Variants in PKD1L1 observed in about 807,000 individuals in gnomAD.
PKD1L1 encodes polycystin 1 like 1, transient receptor potential channel interacting, also known as polycystin-1-like protein 1.
PKD1L1 carries 236 observed loss-of-function variants against 323.4 expected under a neutral mutation model. That is an observed-to-expected ratio of 0.73 (90% CI 0.66 to 0.81). PKD1L1 has a LOEUF of 0.81. Ranked by LOEUF, PKD1L1 falls within the 40% of genes least tolerant of loss-of-function variation. PKD1L1 has a pLI of 0.00. For missense variants in PKD1L1, 3,320 were observed against 3,508.0 expected (o/e 0.95, Z 1.35); for synonymous variants, 1,344 against 1,335.0 (o/e 1.01, Z -0.15).
chr7:47,932,728 T>C (rs1787796810), intron 4 of PKD1L1, among the ~76,000 whole-genome samples: 1 of 152,224 alleles, frequency 6.6e-6, no homozygotes, highest in Non-Finnish European at 1.5e-5. Context: ...CCAGCCTTAC[T>C]CTCAGCCTCC....
intron 56 of PKD1L1, among the ~76,000 whole-genome samples, chr7:47,787,574 G>A (rs1264186321): frequency 6.6e-6 from 1 of 152,134 alleles, no homozygotes. Flanking sequence ...TGTGTGTTGT[G>A]TATATAAAGG....
intron 56 of PKD1L1, 120 bp from the exon 57 acceptor site, chr7:47,775,286 G>C (rs1786542975): frequency 3.9e-6 from 4 of 1,035,650 alleles, no homozygotes; most frequent in Non-Finnish European, 5.7e-6. Flanking sequence ...CAGCTAACTT[G>C]ACCAAGGTGA....
At chr7:47,777,093 T>C (rs1230140186) in intron 56 of PKD1L1, among the ~76,000 whole-genome samples, 3 of 152,168 alleles carry the variant, frequency 2.0e-5, no homozygotes, top group Non-Finnish European at 2.9e-5. Context: ...GGTTTTGCCA[T>C]GTTGGCCAGG....
chr7:47,786,186 A>T (rs1786803089), intron 56 of PKD1L1, among the ~76,000 whole-genome samples: 1 of 152,208 alleles, frequency 6.6e-6, no homozygotes. Context: ...ATAACTACAA[A>T]AACTTCTAGA....
At chr7:47,838,320 T>C (rs1785498376) in intron 36 of PKD1L1, among the ~76,000 whole-genome samples, 1 of 152,200 alleles carries the variant, frequency 6.6e-6, no homozygotes, top group Non-Finnish European at 1.5e-5. Context: ...CCCAGTGGCC[T>C]GGCAAGGTCC....
chr7:47,846,028 G>A lies in PKD1L1; in HGVS notation c.5153+851C>T, dbSNP rs113871867. On this transcript the variant is annotated intron_variant, in intron 32 of 56. Coordinates refer to ENST00000289672, the MANE Select transcript of PKD1L1 (RefSeq NM_138295.5). Reference sequence around the variant, plus strand: ...GGCCATTACCAGTAAGTTTGGATGTGCTCCTAGCAATGGCATTAGAAAAAT... The same window carrying A: ...GGCCATTACCAGTAAGTTTGGATGTACTCCTAGCAATGGCATTAGAAAAAT... 4.1e-4 allele frequency among the ~76,000 whole-genome samples: 62 copies of A among 152,312 alleles called. 1 individual carries two copies. Among genetic ancestry groups the A allele is most frequent in the African/African-American group, 1.5e-3 (61 of 41,568 alleles).
intron 23 of PKD1L1, among the ~76,000 whole-genome samples, chr7:47,874,886 T>G (rs1242390291): frequency 6.6e-6 from 1 of 152,238 alleles, no homozygotes; most frequent in Non-Finnish European, 1.5e-5. Flanking sequence ...GTTCAGGTAT[T>G]CATAGGAATT....
At chr7:47,785,347 C>T (rs1052712999) in intron 56 of PKD1L1, among the ~76,000 whole-genome samples, 1 of 152,216 alleles carries the variant, frequency 6.6e-6, no homozygotes, top group Non-Finnish European at 1.5e-5. Context: ...AGTTCACTTT[C>T]AAGTCAATGT....
intron 46 of PKD1L1, chr7:47,817,974 C>G: frequency 8.6e-7 from 1 of 1,158,706 alleles, no homozygotes; most frequent in Non-Finnish European, 1.2e-6. Flanking sequence ...CTTATCCTTT[C>G]AAGTATTTGA....
chr7:47,941,943 A>C (rs1787993662), intron 2 of PKD1L1, among the ~76,000 whole-genome samples: 1 of 152,260 alleles, frequency 6.6e-6, no homozygotes, highest in African/African-American at 2.4e-5. Flanking sequence ...AAATTGGCTT[A>C]ATTGTCCCAC....
At position 47,887,886 on chromosome 7, in the gene PKD1L1, A is replaced by T. The variant is rs796974173; in HGVS notation, c.2836+104T>A. The T allele has an allele frequency of 2.7e-5, 32 of 1,164,082 alleles. No individual in the cohort carries two copies. In the African/African-American group the frequency reaches 4.7e-4, roughly 17 times the overall value. The allele number at this position is 1,164,082 out of a possible 1,614,324, so 72.1% of individuals were successfully genotyped here. A position where few individuals can be genotyped will look rare whatever the true frequency, so the allele number is the denominator to read the frequency against. ...ACGGACCGTTCACCAGGCAGATCAG[A>T]CACACTGGGTCATACCAAATGTATT... On this transcript the variant is annotated intron_variant, in intron 17 of 56. Coordinates refer to ENST00000289672, the MANE Select transcript of PKD1L1 (RefSeq NM_138295.5).
the PKD1L1 span, among the ~76,000 whole-genome samples, chr7:47,953,905 T>A: frequency 6.6e-6 from 1 of 152,198 alleles, no homozygotes; most frequent in Non-Finnish European, 1.5e-5. Flanking sequence ...CTCACTTCTG[T>A]CTGGTCATGT....
chr7:47,801,320 C>T (rs1189946693), intron 53 of PKD1L1, among the ~76,000 whole-genome samples: 1 of 152,170 alleles, frequency 6.6e-6, no homozygotes, highest in Admixed American at 6.5e-5. Context: ...ATCAGGAAGG[C>T]TTTCCAATTT....
chr7:47,942,694 T>C (rs1788012979), intron 2 of PKD1L1, among the ~76,000 whole-genome samples: 1 of 152,132 alleles, frequency 6.6e-6, no homozygotes, highest in Middle Eastern at 3.2e-3. Flanking sequence ...CCTGTGGCCA[T>C]GCAGACACCT....
intron 20 of PKD1L1, 135 bp downstream of exon 20, chr7:47,881,774 C>T: frequency 1.2e-6 from 1 of 867,090 alleles, no homozygotes; most frequent in Non-Finnish European, 1.7e-6. Flanking sequence ...CATAGAAGAA[C>T]AAGCACAAGT....
rs147497010 is a variant in PKD1L1, at chr7:47,876,351, G to A, written c.3664-134C>T. 11 of 1,040,362 alleles carry A rather than the reference G, an allele frequency of 1.1e-5. No individual in the cohort carries two copies. In the South Asian group the frequency reaches 1.9e-4, roughly 18 times the overall value. The allele number at this position is 1,040,362 out of a possible 1,614,324, so 64.4% of individuals were successfully genotyped here. The stretch of plus-strand genomic sequence containing the variant: ...ACAGCCAGGAAGAGGGTAAGTGACA[G>A]GTAAGCAGCACTCCCAGCTGCCCAG... On this transcript the variant is annotated intron_variant, in intron 22 of 56. Coordinates refer to ENST00000289672, the MANE Select transcript of PKD1L1 (RefSeq NM_138295.5).
At chr7:47,960,058 C>T in the PKD1L1 span, among the ~76,000 whole-genome samples, 7 of 152,022 alleles carry the variant, frequency 4.6e-5, no homozygotes, top group Non-Finnish European at 1.0e-4. Context: ...TCCTGTTGAT[C>T]AGTGACCCTA....
chr7:47,897,669 T>G (rs920104225), intron 14 of PKD1L1, among the ~76,000 whole-genome samples: 2 of 152,180 alleles, frequency 1.3e-5, no homozygotes, highest in Non-Finnish European at 2.9e-5. Flanking sequence ...GATTGGCCCC[T>G]AAATGGCAGG....
chr7:47,925,886 C>T (rs981815569), intron 7 of PKD1L1, among the ~76,000 whole-genome samples: 4 of 150,696 alleles, frequency 2.7e-5, no homozygotes, highest in African/African-American at 9.9e-5. Flanking sequence ...AGTTTGGGGA[C>T]AAAATGGGAA....
Sources: allele counts gnomAD v4.1 joint callset (sites outside exome capture counted in the v4.1 genomes callset), GRCh38; gene constraint gnomAD v4.1.1; transcripts MANE v1.5; gene names NCBI Gene and HGNC (gene_info 2026-07-23, HGNC 2026-07-21).